CNTNAP2: variants seen among roughly 807,000 people sequenced by gnomAD.
The protein encoded by CNTNAP2 is contactin associated protein 2.
In CNTNAP2, 98 loss-of-function variants were observed where a neutral mutation model predicts 155.2. The observed-to-expected ratio is 0.63, with a 90% confidence interval of 0.54 to 0.75. CNTNAP2 has a LOEUF of 0.75. Among genes scored for constraint, CNTNAP2 ranks in the 30% least tolerant of loss-of-function variants. CNTNAP2 has a pLI of 0.00. For missense variants in CNTNAP2, 1,727 were observed against 1,688.1 expected, an observed-to-expected ratio of 1.02 and a Z score of -0.40; for synonymous variants, 651 against 631.2, an observed-to-expected ratio of 1.03 and a Z score of -0.47.
chr7:146,385,635 A>T (rs1457605503), intron 1 of CNTNAP2, among the ~76,000 whole-genome samples: 1 of 152,224 alleles, frequency 6.6e-6, no homozygotes, highest in Non-Finnish European at 1.5e-5. Flanking sequence ...ATTTATAATT[A>T]GGGATACTCT....
At chr7:148,307,818 C>CA (rs1797515462) in intron 21 of CNTNAP2, among the ~76,000 whole-genome samples, 1 of 151,998 alleles carries the variant, frequency 6.6e-6, no homozygotes, top group Non-Finnish European at 1.5e-5. Context: ...AAAAAAAACA[C>CA]AAAAATTGCC....
intron 13 of CNTNAP2, among the ~76,000 whole-genome samples, chr7:147,671,428 T>C (rs117774816): frequency 2.0e-5 from 3 of 152,324 alleles, no homozygotes; most frequent in Admixed American, 6.5e-5. Flanking sequence ...CCTTCAGCTA[T>C]AGACACAGAG....
intron 4 of CNTNAP2, among the ~76,000 whole-genome samples, chr7:147,071,784 G>A (rs1322521695): frequency 6.6e-6 from 1 of 152,216 alleles, no homozygotes; most frequent in Non-Finnish European, 1.5e-5. Flanking sequence ...TGTAGTACTA[G>A]ACAGAGGATC....
At chr7:147,533,641 C>T (rs1799483900) in intron 11 of CNTNAP2, among the ~76,000 whole-genome samples, 1 of 150,270 alleles carries the variant, frequency 6.7e-6, no homozygotes, top group Non-Finnish European at 1.5e-5. Flanking sequence ...CACAATGGCT[C>T]ATATGTGTAA....
intron 20 of CNTNAP2, among the ~76,000 whole-genome samples, chr7:148,257,448 G>T (rs146967006): frequency 2.6e-5 from 4 of 152,072 alleles, no homozygotes; most frequent in African/African-American, 9.7e-5. Flanking sequence ...TCTATAAGTC[G>T]GCAGGATTTA....
At chr7:146,380,848 A>T (rs1795374302) in intron 1 of CNTNAP2, among the ~76,000 whole-genome samples, 2 of 108,532 alleles carry the variant, frequency 1.8e-5, no homozygotes, top group Admixed American at 1.5e-4. Flanking sequence ...CCCAGGCTGG[A>T]GTGCAGTGGC....
At chr7:147,851,997 G>A (rs939597665) in intron 13 of CNTNAP2, among the ~76,000 whole-genome samples, 1 of 152,064 alleles carries the variant, frequency 6.6e-6, no homozygotes, top group Non-Finnish European at 1.5e-5. Flanking sequence ...AGCAAATGTA[G>A]CTAGTATAAG....
rs199844697 is a variant in CNTNAP2, at chr7:147,850,970, G to T, written c.2099-52595G>T. The stretch of plus-strand genomic sequence containing the variant: ...TTCTGCAGAGCAAAAGAAACTACCA[G>T]CAGAGTGAACAGGCAACCTACAGAA... On this transcript the variant is annotated intron_variant, in intron 13 of 23. Coordinates refer to ENST00000361727, the MANE Select transcript of CNTNAP2 (RefSeq NM_014141.6). Among the ~76,000 whole-genome samples the T allele has an allele frequency of 3.5e-4, 54 of 152,208 alleles. 1 individual carries two copies. Among genetic ancestry groups the T allele is most frequent in the Admixed American group, 1.2e-3 (19 of 15,284 alleles).
At position 146,456,973 on chromosome 7, in the gene CNTNAP2, A is replaced by AT. The variant is rs546779429; in HGVS notation, c.98-317293dup. Among the ~76,000 whole-genome samples the AT allele has an allele frequency of 5.7e-4, 86 of 152,200 alleles. 1 individual carries two copies. Among genetic ancestry groups the AT allele is most frequent in the Admixed American group, 7.9e-4 (12 of 15,284 alleles). ...CTTTCTATTCTTTGTCCATATAAAA[A>AT]TTTTTATGTAATTTAATTAATATTT... On this transcript the variant is annotated intron_variant, in intron 1 of 23. Coordinates refer to ENST00000361727, the MANE Select transcript of CNTNAP2 (RefSeq NM_014141.6).
intron 13 of CNTNAP2, among the ~76,000 whole-genome samples, chr7:147,668,054 G>A (rs1200181396): frequency 6.6e-6 from 1 of 152,098 alleles, no homozygotes; most frequent in African/African-American, 2.4e-5. Context: ...ACGTGGGTGT[G>A]GATGAGGATG....
At chr7:146,451,031 CT>C (rs1796472274) in intron 1 of CNTNAP2, among the ~76,000 whole-genome samples, 1 of 152,084 alleles carries the variant, frequency 6.6e-6, no homozygotes, top group Non-Finnish European at 1.5e-5. Flanking sequence ...ACTGCAAGCT[CT>C]GACCCCCGGG....
chr7:146,294,341 G>C (rs541358411), intron 1 of CNTNAP2, among the ~76,000 whole-genome samples: 1 of 152,256 alleles, frequency 6.6e-6, no homozygotes, highest in Middle Eastern at 3.4e-3. Flanking sequence ...CTGATGAGAC[G>C]AAAGGATATT....
At chr7:146,930,026 T>A (rs1453704037) in intron 3 of CNTNAP2, among the ~76,000 whole-genome samples, 1 of 152,044 alleles carries the variant, frequency 6.6e-6, no homozygotes, top group East Asian at 1.9e-4. Context: ...CAGGATATTA[T>A]CCAGGAGAAC....
At chr7:147,325,498 G>A (rs1225317972) in intron 9 of CNTNAP2, among the ~76,000 whole-genome samples, 1 of 152,092 alleles carries the variant, frequency 6.6e-6, no homozygotes, top group African/African-American at 2.4e-5. Flanking sequence ...TGGGAGGAAA[G>A]TCCTAGACTG....
At chr7:148,365,022 C>T (rs1279115083) in intron 21 of CNTNAP2, among the ~76,000 whole-genome samples, 1 of 152,188 alleles carries the variant, frequency 6.6e-6, no homozygotes, top group Non-Finnish European at 1.5e-5. Context: ...TGACTCCAGA[C>T]GCGCCACCTT....
intron 11 of CNTNAP2, among the ~76,000 whole-genome samples, chr7:147,528,644 T>C (rs1171590794): frequency 2.0e-5 from 3 of 152,180 alleles, no homozygotes; most frequent in African/African-American, 7.2e-5. Flanking sequence ...ACAAATGGCC[T>C]CTCTCTTCTG....
At chr7:147,959,577 C>T (rs1436108320) in intron 14 of CNTNAP2, among the ~76,000 whole-genome samples, 3 of 152,108 alleles carry the variant, frequency 2.0e-5, no homozygotes, top group African/African-American at 4.8e-5. Flanking sequence ...AGTAGCAACT[C>T]GGGGCAGTTC....
intron 1 of CNTNAP2, among the ~76,000 whole-genome samples, chr7:146,293,520 A>G (rs992955868): frequency 6.6e-6 from 1 of 152,198 alleles, no homozygotes; most frequent in Non-Finnish European, 1.5e-5. Context: ...AATATACACT[A>G]TTATATCTTG....
chr7:146,834,763 AC>A (rs1043148405), intron 2 of CNTNAP2, among the ~76,000 whole-genome samples: 1 of 152,114 alleles, frequency 6.6e-6, no homozygotes, highest in African/African-American at 2.4e-5. Context: ...TTGACGTCCA[AC>A]CACTTTCTTT....
Sources: allele counts gnomAD v4.1 joint callset (sites outside exome capture counted in the v4.1 genomes callset), GRCh38; gene constraint gnomAD v4.1.1; transcripts MANE v1.5; gene names NCBI Gene and HGNC (gene_info 2026-07-23, HGNC 2026-07-21).